The following SMG6 variants were observed in gnomAD, a reference collection of about 807,000 sequenced individuals.
SMG6 encodes the protein telomerase-binding protein EST1A.
Under a neutral mutation model 142.2 loss-of-function variants are expected in SMG6, and 66 were observed. The ratio of observed to expected loss-of-function variants is 0.46; its 90% confidence interval spans 0.38 to 0.57. SMG6 has a LOEUF of 0.57. Ranked by LOEUF, SMG6 falls within the 20% of genes least tolerant of loss-of-function variation. The pLI is 0.00. For synonymous variants in SMG6, 779 were observed against 702.4 expected, an observed-to-expected ratio of 1.11 and a Z score of -1.72; for missense variants, 1,793 against 1,832.0, an observed-to-expected ratio of 0.98 and a Z score of 0.39.
At chr17:2,105,892 C>A (rs977115410) in intron 13 of SMG6, among the ~76,000 whole-genome samples, 1 of 152,202 alleles carries the variant, frequency 6.6e-6, no homozygotes, top group Non-Finnish European at 1.5e-5. Context: ...GTTGTCTGCA[C>A]CACAGCCTTG....
intron 13 of SMG6, among the ~76,000 whole-genome samples, chr17:2,167,695 T>C (rs1005315392): frequency 3.3e-5 from 5 of 152,300 alleles, no homozygotes; most frequent in African/African-American, 1.2e-4. Context: ...GTGTTGGCAA[T>C]ACGTGTTTCG....
At chr17:2,301,364 A>G (rs991832702) in intron 1 of SMG6, among the ~76,000 whole-genome samples, 1 of 152,182 alleles carries the variant, frequency 6.6e-6, no homozygotes, top group Non-Finnish European at 1.5e-5. Context: ...TAGCTCACAG[A>G]GTTACCAAAA....
chr17:2,109,689 A>G (rs750394079), intron 13 of SMG6, among the ~76,000 whole-genome samples: 1 of 152,246 alleles, frequency 6.6e-6, no homozygotes, highest in African/African-American at 2.4e-5. Flanking sequence ...AAACCATTAT[A>G]AACTACTTTG....
chr17:2,103,767 C>T (rs1378653757), intron 13 of SMG6, among the ~76,000 whole-genome samples: 1 of 151,998 alleles, frequency 6.6e-6, no homozygotes. Context: ...CCTGTGAGCC[C>T]TATAGGAGAC....
chr17:2,150,304 C>T (rs550353374), intron 13 of SMG6, among the ~76,000 whole-genome samples: 1 of 152,222 alleles, frequency 6.6e-6, no homozygotes, highest in African/African-American at 2.4e-5. Context: ...CCACTGCTAA[C>T]CCTGTCTGTG....
chr17:2,277,141 A>C, intron 8 of SMG6, among the ~76,000 whole-genome samples: 1 of 66,474 alleles, frequency 1.5e-5, no homozygotes. Context: ...ACATTTATTT[A>C]TTTATTTATT....
At chr17:2,140,934 T>C (rs952570532) in intron 13 of SMG6, among the ~76,000 whole-genome samples, 1 of 152,162 alleles carries the variant, frequency 6.6e-6, no homozygotes, top group Non-Finnish European at 1.5e-5. Flanking sequence ...CCCTCAACTG[T>C]TTATGATTCA....
intron 18 of SMG6, 36 bp downstream of exon 18, chr17:2,065,037 G>C: frequency 6.5e-7 from 1 of 1,544,674 alleles, no homozygotes; most frequent in Non-Finnish European, 8.9e-7. Flanking sequence ...TAGGGCAGTG[G>C]GGATGGAAGA....
chr17:2,296,033 C>T (rs2075135923), intron 4 of SMG6, among the ~76,000 whole-genome samples: 1 of 152,192 alleles, frequency 6.6e-6, no homozygotes, highest in Non-Finnish European at 1.5e-5. Context: ...TATCTCCACT[C>T]TTGCCCAGCT....
rs531857383 is a variant in SMG6 at position 2,198,325 on chromosome 17, G to A, written c.2870-9810C>T. Among the ~76,000 whole-genome samples, 143 of 152,300 alleles carry A rather than the reference G, an allele frequency of 9.4e-4. 1 individual carries two copies. The highest frequency in any genetic ancestry group is 3.1e-3 in the South Asian group (15 of 4,830). The stretch of plus-strand genomic sequence containing the variant: ...GGAAAACAGATTAGTGGTTGCCAGG[G>A]GTTAGGATTGGGGGCTGAAAGGCGG... On this transcript the variant is annotated intron_variant, in intron 10 of 18. Transcript: ENST00000263073.
intron 13 of SMG6, chr17:2,117,644 G>A (rs2069548745): frequency 6.6e-6 from 1 of 152,102 alleles, no homozygotes; most frequent in East Asian, 1.9e-4. Context: ...TAGGTAAAAG[G>A]CTAGCTATAC....
At chr17:2,282,524 A>T in intron 8 of SMG6, 123 bp downstream of exon 8, 1 of 848,608 alleles carries the variant, frequency 1.2e-6, no homozygotes, top group Non-Finnish European at 1.9e-6. Context: ...ACCATCAGGG[A>T]GCCTCAAGTG....
chr17:2,163,525 A>C (rs1382125669), intron 13 of SMG6, among the ~76,000 whole-genome samples: 1 of 152,132 alleles, frequency 6.6e-6, no homozygotes, highest in Non-Finnish European at 1.5e-5. Flanking sequence ...TATGGGATTG[A>C]TTTTTGTACA....
intron 13 of SMG6, chr17:2,122,373 A>C (rs2069729095): frequency 6.6e-6 from 1 of 152,228 alleles, no homozygotes; most frequent in Non-Finnish European, 1.5e-5. Flanking sequence ...TCAGATTAAA[A>C]AAAGAAAATC....
chr17:2,198,341 T>C (rs1323296228), intron 10 of SMG6, among the ~76,000 whole-genome samples: 1 of 152,196 alleles, frequency 6.6e-6, no homozygotes, highest in Non-Finnish European at 1.5e-5. Context: ...GATTGGGGGC[T>C]GAAAGGCGGT....
chr17:2,214,969 C>A (rs1379580272), intron 10 of SMG6, among the ~76,000 whole-genome samples: 1 of 152,130 alleles, frequency 6.6e-6, no homozygotes, highest in Non-Finnish European at 1.5e-5. Context: ...GGAATGCTCT[C>A]GACAGGAAAA....
intron 13 of SMG6, among the ~76,000 whole-genome samples, chr17:2,159,411 C>T (rs567429733): frequency 2.8e-4 from 43 of 152,184 alleles, no homozygotes; most frequent in African/African-American, 1.0e-3. Flanking sequence ...GTGTGGGTGA[C>T]AGCGAGACTC....
intron 9 of SMG6, among the ~76,000 whole-genome samples, chr17:2,238,564 C>T (rs1212315593): frequency 6.6e-6 from 1 of 152,182 alleles, no homozygotes; most frequent in Admixed American, 6.5e-5. Flanking sequence ...AGAATAGCAG[C>T]GTTCACTCTG....
intron 10 of SMG6, among the ~76,000 whole-genome samples, chr17:2,196,761 G>A (rs2072341813): frequency 6.6e-6 from 1 of 152,178 alleles, no homozygotes; most frequent in Non-Finnish European, 1.5e-5. Context: ...GCCGGGCATG[G>A]TGGTTCATGC....
Sources: allele counts gnomAD v4.1 joint callset (sites outside exome capture counted in the v4.1 genomes callset), GRCh38; gene constraint gnomAD v4.1.1; transcripts MANE v1.5; gene names NCBI Gene and HGNC (gene_info 2026-07-23, HGNC 2026-07-21).